Variants in GPC5 observed in about 807,000 individuals in gnomAD.
The protein encoded by GPC5 is glypican-5.
GPC5 carries 47 observed loss-of-function variants against 53.9 expected under a neutral mutation model. That is an observed-to-expected ratio of 0.87 (90% CI 0.69 to 1.11). GPC5 has a LOEUF of 1.11. Among genes scored for constraint, GPC5 ranks in the 50% most tolerant of loss-of-function variants. GPC5 has a pLI of 0.00. For synonymous variants in GPC5, 286 were observed against 263.3 expected (o/e 1.09, Z -0.84); for missense variants, 748 against 713.1 (o/e 1.05, Z -0.56).
chr13:92,237,374 C>G (rs72636863), intron 7 of GPC5, among the ~76,000 whole-genome samples: 24,231 of 151,960 alleles, frequency 0.16, 2,359 homozygotes, highest in Admixed American at 0.22. Flanking sequence ...CACGCACCAC[C>G]AAGCATAGTT....
chr13:92,574,944 T>C (rs949217238), intron 7 of GPC5, among the ~76,000 whole-genome samples: 1 of 152,174 alleles, frequency 6.6e-6, no homozygotes, highest in Non-Finnish European at 1.5e-5. Flanking sequence ...TGGAAAGAGA[T>C]AGAACTATTC....
chr13:91,863,540 T>C (rs1051824608), intron 5 of GPC5, among the ~76,000 whole-genome samples: 3 of 152,176 alleles, frequency 2.0e-5, no homozygotes, highest in East Asian at 3.9e-4. Context: ...TACCACAAAA[T>C]TGTCTCTCTC....
At chr13:91,784,095 C>A (rs551302) in intron 5 of GPC5, among the ~76,000 whole-genome samples, 111,184 of 152,028 alleles carry the variant, frequency 0.73, 40,959 homozygotes, top group East Asian at 0.9. Flanking sequence ...ACAGATTAGA[C>A]ACTCTGTGAA....
At chr13:92,722,396 C>T (rs1888530546) in intron 7 of GPC5, among the ~76,000 whole-genome samples, 1 of 151,832 alleles carries the variant, frequency 6.6e-6, no homozygotes, top group Admixed American at 6.6e-5. Context: ...CAGTCATGAG[C>T]CCCTTGGTAA....
rs148009738 is a variant in GPC5 at position 91,937,741 on chromosome 13, A to T, written c.1401+29684A>T. ...TTGTATATAGGTTTATTTAGACCGG[A>T]TAAGACAAGCAAATATAAGTGGAAG... On this transcript the variant is annotated intron_variant, in intron 6 of 7. Transcript: ENST00000377067. Among the ~76,000 whole-genome samples the T allele has an allele frequency of 1.6e-4, 25 of 152,268 alleles. No individual in the cohort carries two copies. The East Asian group carries it at 4.8e-3, about 29-fold the overall frequency.
At chr13:91,846,627 T>C (rs1170785523) in intron 5 of GPC5, among the ~76,000 whole-genome samples, 1 of 151,950 alleles carries the variant, frequency 6.6e-6, no homozygotes, top group Non-Finnish European at 1.5e-5. Flanking sequence ...GCTTTTTTAC[T>C]GAAGACAAAA....
At chr13:92,296,920 C>A (rs1396084427) in intron 7 of GPC5, among the ~76,000 whole-genome samples, 2 of 152,230 alleles carry the variant, frequency 1.3e-5, no homozygotes, top group Non-Finnish European at 2.9e-5. Context: ...GGCTCGGGAC[C>A]TGCAGCCCGC....
At chr13:92,229,952 T>G (rs925862219) in intron 7 of GPC5, among the ~76,000 whole-genome samples, 2 of 152,156 alleles carry the variant, frequency 1.3e-5, no homozygotes, top group African/African-American at 4.8e-5. Context: ...TGGAATTTAA[T>G]TATTAAAATC....
At chr13:92,683,315 G>A (rs114874667) in intron 7 of GPC5, among the ~76,000 whole-genome samples, 2,433 of 152,186 alleles carry the variant, frequency 0.016, 73 homozygotes, top group African/African-American at 0.056. Flanking sequence ...TGGGAATGTG[G>A]GTTACATAGC....
intron 7 of GPC5, among the ~76,000 whole-genome samples, chr13:92,707,668 CT>C (rs1407099629): frequency 6.6e-6 from 1 of 152,046 alleles, no homozygotes; most frequent in Non-Finnish European, 1.5e-5. Context: ...GCTAGACTCC[CT>C]TTTCCAAGGA....
chr13:92,846,078 C>T (rs370261567), intron 7 of GPC5, among the ~76,000 whole-genome samples: 5 of 152,050 alleles, frequency 3.3e-5, no homozygotes, highest in African/African-American at 1.2e-4. Flanking sequence ...ATTTAATTGA[C>T]TTACAGTTCT....
intron 7 of GPC5, among the ~76,000 whole-genome samples, chr13:92,344,185 C>G (rs907091397): frequency 1.3e-5 from 2 of 152,046 alleles, no homozygotes; most frequent in African/African-American, 4.8e-5. Context: ...ATAATCATGG[C>G]AGAAGGGGAA....
At chr13:92,210,596 A>G (rs2042367982) in intron 7 of GPC5, among the ~76,000 whole-genome samples, 1 of 151,492 alleles carries the variant, frequency 6.6e-6, no homozygotes, top group South Asian at 2.1e-4. Flanking sequence ...GTGGTCCATA[A>G]TTTTTTTTTG....
rs2038748687 is a variant in GPC5, at chr13:91,838,549, A to G, written c.1281-69388A>G. On this transcript the variant is annotated intron_variant, in intron 5 of 7. Transcript: ENST00000377067. ...AATGTTAAAATCAAGGAGAAAAGGGATGAGAGAAGAACCCAGGGTGCACAG... is the reference window on the plus strand; with the variant it reads ...AATGTTAAAATCAAGGAGAAAAGGGGTGAGAGAAGAACCCAGGGTGCACAG... Among the ~76,000 whole-genome samples the G allele has an allele frequency of 2.0e-5, 3 of 152,004 alleles. No individual in the cohort carries two copies. In the South Asian group the frequency reaches 6.2e-4, roughly 31 times the overall value.
chr13:92,671,595 A>G (rs1886754414), intron 7 of GPC5, among the ~76,000 whole-genome samples: 2 of 152,226 alleles, frequency 1.3e-5, no homozygotes, highest in South Asian at 4.1e-4. Context: ...GTTCTTGAGC[A>G]GCAGTAATTA....
rs113594575 is a variant in GPC5 at position 91,806,161 on chromosome 13, G to A, written c.1280+49741G>A. Among the ~76,000 whole-genome samples the A allele has an allele frequency of 2.6e-3, 380 of 146,066 alleles. 1 individual carries two copies. Among genetic ancestry groups the A allele is most frequent in the Non-Finnish European group, 4.1e-3 (276 of 67,132 alleles). On this transcript the variant is annotated intron_variant, in intron 5 of 7. Coordinates refer to ENST00000377067, the MANE Select transcript of GPC5 (RefSeq NM_004466.6). The stretch of plus-strand genomic sequence containing the variant: ...AGCGGTTCTCATACCTCAGCGTCCC[G>A]AGTGGCTGGGACTACAGACATCTGC...
At chr13:92,223,151 G>A (rs754388462) in intron 7 of GPC5, among the ~76,000 whole-genome samples, 6 of 152,126 alleles carry the variant, frequency 3.9e-5, no homozygotes, top group East Asian at 1.9e-4. Flanking sequence ...TTTCTTTTAC[G>A]ATGAATATTA....
intron 7 of GPC5, among the ~76,000 whole-genome samples, chr13:92,814,722 T>C (rs1453447280): frequency 6.6e-6 from 1 of 151,718 alleles, no homozygotes; most frequent in Admixed American, 6.6e-5. Flanking sequence ...TAAGAAATTT[T>C]GTCTTTGAAG....
At chr13:92,799,631 A>G (rs1050297224) in intron 7 of GPC5, among the ~76,000 whole-genome samples, 2 of 151,734 alleles carry the variant, frequency 1.3e-5, no homozygotes, top group African/African-American at 4.8e-5. Flanking sequence ...GTTTCAGAGG[A>G]GTCTTTTCTG....
Sources: allele counts gnomAD v4.1 joint callset (sites outside exome capture counted in the v4.1 genomes callset), GRCh38; gene constraint gnomAD v4.1.1; transcripts MANE v1.5; gene names NCBI Gene and HGNC (gene_info 2026-07-23, HGNC 2026-07-21).